IPO11: variants seen among roughly 807,000 people sequenced by gnomAD.
IPO11 encodes importin-11.
IPO11 carries 66 observed loss-of-function variants against 143.2 expected under a neutral mutation model. That is an observed-to-expected ratio of 0.46 (90% confidence interval 0.38 to 0.57). IPO11 has a LOEUF of 0.57. Among genes scored for constraint, IPO11 ranks in the 20% least tolerant of loss-of-function variants. The probability of loss-of-function intolerance (pLI) is 0.00; values close to 1 mark genes in which losing one functional copy is unlikely to be tolerated. For missense variants in IPO11, 1,026 were observed against 1,141.0 expected, an observed-to-expected ratio of 0.90 and a Z score of 1.45; for synonymous variants, 385 against 377.8, an observed-to-expected ratio of 1.02 and a Z score of -0.22.
At chr5:62,614,251 C>T (rs1746042816) in intron 29 of IPO11, among the ~76,000 whole-genome samples, 1 of 152,204 alleles carries the variant, frequency 6.6e-6, no homozygotes, top group Non-Finnish European at 1.5e-5. Context: ...TACTGAGCTG[C>T]AAGAAACCTG....
At chr5:62,519,340 C>G (rs927294123) in intron 20 of IPO11, among the ~76,000 whole-genome samples, 1 of 152,096 alleles carries the variant, frequency 6.6e-6, no homozygotes, top group Admixed American at 6.6e-5. Context: ...CCTGCTCCTC[C>G]TCCTCATTTC....
chr5:62,443,126 C>T (rs1452494374), intron 3 of IPO11, 43 bp downstream of exon 3: 2 of 1,264,054 alleles, frequency 1.6e-6, no homozygotes, highest in East Asian at 2.4e-5. Context: ...ATAATCCTTC[C>T]CAAATTCAGG....
chr5:62,526,443 A>G (rs1310027217), intron 21 of IPO11, 186 bp downstream of exon 21: 1 of 434,556 alleles, frequency 2.3e-6, no homozygotes, highest in Non-Finnish European at 4.1e-6. Flanking sequence ...ATAGTAGACA[A>G]AGTTAAAGGG....
At chr5:62,462,485 G>GAA (rs533067310) in intron 5 of IPO11, among the ~76,000 whole-genome samples, 2 of 137,792 alleles carry the variant, frequency 1.5e-5, no homozygotes, top group Non-Finnish European at 1.6e-5. Flanking sequence ...AGCAATGCCT[G>GAA]AAAAAAAAAA....
chr5:62,437,146 G>A, intron 1 of IPO11, 128 bp from the exon 2 acceptor site: 3 of 597,748 alleles, frequency 5.0e-6, no homozygotes, highest in Non-Finnish European at 8.1e-6. Flanking sequence ...AGATAGAAAG[G>A]CAGAACATGA....
chr5:62,413,849 G>A (rs1580147236), intron 1 of IPO11, among the ~76,000 whole-genome samples: 1 of 152,142 alleles, frequency 6.6e-6, no homozygotes, highest in African/African-American at 2.4e-5. Flanking sequence ...TCAGATTAAG[G>A]GCAGGGTGAC....
At chr5:62,496,016 G>C (rs932208818) in intron 16 of IPO11, among the ~76,000 whole-genome samples, 1 of 152,064 alleles carries the variant, frequency 6.6e-6, no homozygotes, top group Non-Finnish European at 1.5e-5. Context: ...TGTGGCATGC[G>C]TGGTGACTCA....
intron 3 of IPO11, among the ~76,000 whole-genome samples, chr5:62,444,386 C>T (rs1744635393): frequency 6.6e-6 from 1 of 151,824 alleles, no homozygotes; most frequent in Non-Finnish European, 1.5e-5. Context: ...GCCACTGTGC[C>T]CGGCCGGAGT....
chr5:62,510,836 A>G (rs1231654591), intron 19 of IPO11, among the ~76,000 whole-genome samples: 2 of 152,044 alleles, frequency 1.3e-5, no homozygotes, highest in Non-Finnish European at 2.9e-5. Context: ...CCCAGATTCA[A>G]GTGATTCTCC....
At chr5:62,500,980 T>C (rs1187755778) in intron 16 of IPO11, among the ~76,000 whole-genome samples, 1 of 151,740 alleles carries the variant, frequency 6.6e-6, no homozygotes, top group Non-Finnish European at 1.5e-5. Context: ...TGTTGACTAA[T>C]ACATTATTAT....
At chr5:62,434,514 G>C (rs1744105005) in intron 1 of IPO11, among the ~76,000 whole-genome samples, 1 of 151,840 alleles carries the variant, frequency 6.6e-6, no homozygotes, top group Admixed American at 6.6e-5. Context: ...TGCCCAGGTG[G>C]GTCTTGAAGT....
intron 29 of IPO11, among the ~76,000 whole-genome samples, chr5:62,616,950 G>A (rs1580393726): frequency 6.6e-6 from 1 of 152,024 alleles, no homozygotes; most frequent in Admixed American, 6.6e-5. Context: ...GACACTGACT[G>A]ACCCATTATT....
chr5:62,443,564 A>C (rs1202916918), intron 3 of IPO11, among the ~76,000 whole-genome samples: 3 of 151,634 alleles, frequency 2.0e-5, no homozygotes, highest in African/African-American at 4.9e-5. Flanking sequence ...GGAGTTTGAG[A>C]TCATCCTGGG....
chr5:62,478,988 C>T (rs997960201), intron 9 of IPO11, among the ~76,000 whole-genome samples: 1 of 152,088 alleles, frequency 6.6e-6, no homozygotes, highest in African/African-American at 2.4e-5. Flanking sequence ...GCACAATGTG[C>T]AGATTTGTTA....
chr5:62,448,369 A>G (rs1190751728), intron 3 of IPO11, among the ~76,000 whole-genome samples: 1 of 152,174 alleles, frequency 6.6e-6, no homozygotes, highest in African/African-American at 2.4e-5. Flanking sequence ...CATTCATTGA[A>G]TCTGCTTCAT....
chr5:62,600,567 G>A (rs1390255650), intron 28 of IPO11, among the ~76,000 whole-genome samples: 2 of 152,180 alleles, frequency 1.3e-5, no homozygotes, highest in Non-Finnish European at 2.9e-5. Flanking sequence ...AATACAAACT[G>A]GGATGTAGAC....
At position 62,519,844 on chromosome 5, in the gene IPO11, A is replaced by G. The variant is rs192038917; in HGVS notation, c.1896+4343A>G. ...GCTTTGGGGAAGAATCTGTTTCCGTACTCATTCAGCTTGTTGGCAGAGTTT... is the reference window on the plus strand; with the variant it reads ...GCTTTGGGGAAGAATCTGTTTCCGTGCTCATTCAGCTTGTTGGCAGAGTTT... On this transcript the variant is annotated intron_variant, in intron 20 of 29. Transcript: ENST00000325324. Among the ~76,000 whole-genome samples, 161 of 152,284 alleles carry G rather than the reference A, an allele frequency of 1.1e-3. 1 individual carries two copies. The highest frequency in any genetic ancestry group is 4.8e-3 in the Admixed American group (73 of 15,302).
chr5:62,468,360 A>G (rs920724812), intron 6 of IPO11, among the ~76,000 whole-genome samples: 1 of 152,224 alleles, frequency 6.6e-6, no homozygotes, highest in Non-Finnish European at 1.5e-5. Context: ...TCGCCTTAAT[A>G]CATCACTTAC....
intron 26 of IPO11, 83 bp from the exon 27 acceptor site, chr5:62,561,053 A>T: frequency 8.1e-7 from 1 of 1,231,902 alleles, no homozygotes; most frequent in Non-Finnish European, 1.1e-6. Context: ...ACCATGACTT[A>T]TGAGGCTTTA....
Sources: gnomAD v4.1 joint callset for allele counts (sites outside exome capture counted in the v4.1 genomes callset) on GRCh38, gnomAD v4.1.1 for gene constraint, MANE v1.5 for transcripts, NCBI Gene and HGNC (gene_info 2026-07-23, HGNC 2026-07-21) for gene names.